The following REC114 variants were observed in gnomAD, a reference collection of about 807,000 sequenced individuals.
REC114 encodes meiotic recombination protein REC114.
Under a neutral mutation model 31.3 loss-of-function variants are expected in REC114, and 27 were observed. That is an observed-to-expected ratio of 0.86 (90% CI 0.64 to 1.19). The LOEUF (loss-of-function observed/expected upper bound fraction) is 1.19, where lower values mean the gene tolerates loss of function less well. Ranked by LOEUF, REC114 falls within the 50% of genes most tolerant of loss-of-function variation. The pLI is 0.00. For missense variants in REC114, 344 were observed against 326.9 expected, an observed-to-expected ratio of 1.05 and a Z score of -0.40; for synonymous variants, 134 against 127.7, an observed-to-expected ratio of 1.05 and a Z score of -0.33.
intron 2 of REC114, among the ~76,000 whole-genome samples, chr15:73,475,162 A>T (rs976242451): frequency 1.1e-4 from 16 of 152,202 alleles, no homozygotes; most frequent in Non-Finnish European, 2.4e-4. Context: ...AGACCACCCC[A>T]TACTGTGTCT....
intron 1 of REC114, among the ~76,000 whole-genome samples, chr15:73,460,161 A>G (rs1428862740): frequency 1.3e-5 from 2 of 152,120 alleles, no homozygotes; most frequent in Admixed American, 6.5e-5. Context: ...CAAAATCTTA[A>G]TTTTATTGTG....
chr15:73,484,429 A>AG (rs1168352008), intron 2 of REC114, among the ~76,000 whole-genome samples: 2 of 152,188 alleles, frequency 1.3e-5, no homozygotes, highest in African/African-American at 4.8e-5. Context: ...TATTAGCAGG[A>AG]GGTACACTTA....
chr15:73,462,884 C>CAAAAAAAAAAAAAAAAA lies in REC114; in HGVS notation c.160-10941_160-10925dup, dbSNP rs769569268. 2.4e-3 allele frequency among the ~76,000 whole-genome samples: 131 copies of CAAAAAAAAAAAAAAAAA among 55,620 alleles called. 1 individual carries two copies. Among genetic ancestry groups the CAAAAAAAAAAAAAAAAA allele is most frequent in the East Asian group, 6.0e-3 (11 of 1,834 alleles). The allele number at this position is 55,620 out of a possible 152,430, so 36.5% of individuals were successfully genotyped here. A position where few individuals can be genotyped will look rare whatever the true frequency, so the allele number is the denominator to read the frequency against. On this transcript the variant is annotated intron_variant, in intron 1 of 5. Transcript: ENST00000331090. ...TGGGCAACAGAGTGAGACTCCGTCT[C>CAAAAAAAAAAAAAAAAA]AAAAAAAAAAAAAAAAAAAAAAATT...
intron 3 of REC114, among the ~76,000 whole-genome samples, chr15:73,549,667 A>C (rs1431027193): frequency 6.6e-6 from 1 of 152,148 alleles, no homozygotes; most frequent in Non-Finnish European, 1.5e-5. Flanking sequence ...TCTTTTATAC[A>C]CCCACAGATA....
At chr15:73,551,185 A>G (rs746431700) in intron 4 of REC114, 35 bp downstream of exon 4, 7 of 1,551,562 alleles carry the variant, frequency 4.5e-6, no homozygotes. Context: ...TACAGGAAAC[A>G]TGACAATGCA....
At chr15:73,526,493 C>T (rs1316410564) in intron 2 of REC114, among the ~76,000 whole-genome samples, 1 of 152,100 alleles carries the variant, frequency 6.6e-6, no homozygotes, top group Non-Finnish European at 1.5e-5. Flanking sequence ...CCCACCATGG[C>T]TGTTGTAGGG....
intron 2 of REC114, among the ~76,000 whole-genome samples, chr15:73,505,229 T>A (rs548403485): frequency 6.6e-6 from 1 of 152,350 alleles, no homozygotes; most frequent in East Asian, 1.9e-4. Context: ...ATGTTCTTCA[T>A]GTATAAAAGT....
At chr15:73,456,810 A>G (rs991666351) in intron 1 of REC114, among the ~76,000 whole-genome samples, 1 of 152,158 alleles carries the variant, frequency 6.6e-6, no homozygotes, top group African/African-American at 2.4e-5. Context: ...CTGTGCTTCT[A>G]AGCTCTATGC....
intron 2 of REC114, among the ~76,000 whole-genome samples, chr15:73,503,997 A>ATTTT (rs71137349): frequency 1.6e-5 from 1 of 63,998 alleles, no homozygotes; most frequent in Non-Finnish European, 2.9e-5. Flanking sequence ...TCCCATAGGA[A>ATTTT]TTTTTTTTTT....
intron 2 of REC114, among the ~76,000 whole-genome samples, chr15:73,474,347 T>C (rs1893179875): frequency 6.6e-6 from 1 of 152,208 alleles, no homozygotes; most frequent in Non-Finnish European, 1.5e-5. Flanking sequence ...AATTTTATGG[T>C]GATACATGTG....
chr15:73,552,749 G>GTT (rs1386807500), intron 4 of REC114, among the ~76,000 whole-genome samples: 2 of 152,246 alleles, frequency 1.3e-5, no homozygotes, highest in African/African-American at 4.8e-5. Flanking sequence ...TCCAAACCTG[G>GTT]TTTTCCATTA....
chr15:73,444,467 C>G (rs1255176228), intron 1 of REC114, among the ~76,000 whole-genome samples: 4 of 152,220 alleles, frequency 2.6e-5, no homozygotes, highest in Admixed American at 2.6e-4. Flanking sequence ...AAACCACTTT[C>G]TTTGCTCATC....
intron 2 of REC114, 39 bp downstream of exon 2, chr15:73,473,960 C>A: frequency 4.7e-6 from 6 of 1,270,382 alleles, no homozygotes; most frequent in Non-Finnish European, 6.7e-6. Context: ...GGAAATACAT[C>A]TTTGTCTTCT....
intron 1 of REC114, among the ~76,000 whole-genome samples, chr15:73,443,599 A>G (rs768493162): frequency 2.0e-5 from 3 of 152,218 alleles, no homozygotes; most frequent in East Asian, 1.9e-4. Context: ...TTCAATGTGT[A>G]TTTATTGAGC....
chr15:73,551,961 T>G (rs1894398960), intron 4 of REC114, among the ~76,000 whole-genome samples: 2 of 152,192 alleles, frequency 1.3e-5, no homozygotes, highest in Non-Finnish European at 2.9e-5. Context: ...GTGATTTACT[T>G]GTTTATAAGT....
intron 2 of REC114, among the ~76,000 whole-genome samples, chr15:73,502,171 G>T (rs1893612575): frequency 7.0e-6 from 1 of 143,758 alleles, no homozygotes; most frequent in Non-Finnish European, 1.5e-5. Context: ...AAAAAAAAAT[G>T]ACAGAATGCC....
chr15:73,507,418 C>T (rs771522266), intron 2 of REC114, among the ~76,000 whole-genome samples: 4 of 151,886 alleles, frequency 2.6e-5, no homozygotes, highest in Non-Finnish European at 4.4e-5. Flanking sequence ...ATGTGTGGCC[C>T]AAGACAATTC....
intron 2 of REC114, among the ~76,000 whole-genome samples, chr15:73,504,379 A>AGC (rs1893646647): frequency 3.9e-5 from 6 of 152,134 alleles, no homozygotes; most frequent in African/African-American, 1.4e-4. Context: ...TAGGAATTCA[A>AGC]TATTTTTTTC....
intron 2 of REC114, among the ~76,000 whole-genome samples, chr15:73,524,340 A>T (rs1391748408): frequency 2.0e-5 from 3 of 152,210 alleles, no homozygotes; most frequent in Admixed American, 1.3e-4. Flanking sequence ...TTAAGAAAGG[A>T]TGAGACAATG....
Sources: gnomAD v4.1 joint callset for allele counts (sites outside exome capture counted in the v4.1 genomes callset) on GRCh38, gnomAD v4.1.1 for gene constraint, MANE v1.5 for transcripts, NCBI Gene and HGNC (gene_info 2026-07-23, HGNC 2026-07-21) for gene names.